Variants in HCN1 observed in about 807,000 individuals in gnomAD.
HCN1 encodes potassium/sodium hyperpolarization-activated cyclic nucleotide-gated channel 1.
HCN1 carries 13 observed loss-of-function variants against 78.9 expected under a neutral mutation model. That is an observed-to-expected ratio of 0.16 (90% CI 0.11 to 0.26). The LOEUF is 0.26. HCN1 is among the 10% of genes least tolerant of loss of function. HCN1 has a pLI of 1.00. For missense variants in HCN1, 810 were observed against 1,154.3 expected, an observed-to-expected ratio of 0.70 and a Z score of 4.32; for synonymous variants, 552 against 455.5, an observed-to-expected ratio of 1.21 and a Z score of -2.70.
At chr5:45,538,245 T>C (rs1743010577) in intron 2 of HCN1, among the ~76,000 whole-genome samples, 1 of 152,260 alleles carries the variant, frequency 6.6e-6, no homozygotes, top group East Asian at 1.9e-4. Flanking sequence ...AATTAAGCAA[T>C]GGGTTTAAGG....
chr5:45,497,932 G>T (rs1454408898), intron 2 of HCN1, among the ~76,000 whole-genome samples: 1 of 152,162 alleles, frequency 6.6e-6, no homozygotes, highest in African/African-American at 2.4e-5. Context: ...CTTCTGGCTT[G>T]TAGAGTTTCT....
intron 2 of HCN1, among the ~76,000 whole-genome samples, chr5:45,516,683 A>G (rs779127759): frequency 6.6e-6 from 1 of 152,050 alleles, no homozygotes; most frequent in South Asian, 2.1e-4. Context: ...ATAGTCCACC[A>G]TAGAAAAATT....
In HCN1 at chr5:45,695,967, G is replaced by A; in HGVS notation, c.127C>T (p.Pro43Ser). The change falls in exon 1 of 8, where the codon CCG (proline) becomes TCG (serine). Residue 43 changes from proline (P) to serine (S), a missense_variant. This residue lies in a region of HCN1 where 170 missense variants were observed against 166.8 expected (regional missense o/e 1.02). Coordinates refer to ENST00000303230, the MANE Select transcript of HCN1 (RefSeq NM_021072.4). ...TTCGCGCCGGCCCCGCCGCCCCCCG[G>A]CGGGGTGCCCAGGCGCTTCTCGGCC... ...AAAEKRLGTP[P>S]GGGGAGAKEH... 7.5e-7 allele frequency: 1 copy of A among 1,325,230 alleles called. No individual in the cohort carries two copies. The highest frequency in any genetic ancestry group is 9.6e-7 in the Non-Finnish European group (1 of 1,045,306). The allele number at this position is 1,325,230 out of a possible 1,614,324, so 82.1% of individuals were successfully genotyped here. A position where few individuals can be genotyped will look rare whatever the true frequency, so the allele number is the denominator to read the frequency against.
intron 2 of HCN1, among the ~76,000 whole-genome samples, chr5:45,557,278 T>C (rs1743489190): frequency 6.6e-6 from 1 of 152,112 alleles, no homozygotes; most frequent in Non-Finnish European, 1.5e-5. Flanking sequence ...TCTGGAAACC[T>C]AAAATTCTCA....
chr5:45,316,596 T>C (rs1451566969), intron 5 of HCN1, among the ~76,000 whole-genome samples: 2 of 152,138 alleles, frequency 1.3e-5, no homozygotes, highest in African/African-American at 4.8e-5. Flanking sequence ...ATAAAGGGTA[T>C]TCAATTACAA....
chr5:45,455,386 T>C (rs1741009570), intron 3 of HCN1, among the ~76,000 whole-genome samples: 1 of 152,050 alleles, frequency 6.6e-6, no homozygotes, highest in Non-Finnish European at 1.5e-5. Context: ...TTGTCAAGTT[T>C]TATATAGTTT....
intron 2 of HCN1, among the ~76,000 whole-genome samples, chr5:45,548,743 A>C (rs760839076): frequency 1.3e-5 from 2 of 152,186 alleles, no homozygotes; most frequent in African/African-American, 2.4e-5. Context: ...GTACATAGAA[A>C]ACCCCATTGT....
chr5:45,621,455 T>C lies in HCN1; in HGVS notation c.849+23730A>G, dbSNP rs57042598. ...CTCATGTTTGCCTTATTTCACCTCA[T>C]GTTATCACACTGAATTAAATTATAT... On this transcript the variant is annotated intron_variant, in intron 2 of 7. Coordinates refer to ENST00000303230, the MANE Select transcript of HCN1 (RefSeq NM_021072.4). Among the ~76,000 whole-genome samples the C allele has an allele frequency of 1.6e-3, 240 of 152,330 alleles. 3 individuals are homozygous for C. The highest frequency in any genetic ancestry group is 5.7e-3 in the African/African-American group (237 of 41,584).
At chr5:45,401,237 G>C (rs776973319) in intron 3 of HCN1, among the ~76,000 whole-genome samples, 5 of 152,132 alleles carry the variant, frequency 3.3e-5, no homozygotes, top group Admixed American at 2.0e-4. Context: ...CTTATAGAGT[G>C]AGAAATAATA....
At chr5:45,323,286 G>A (rs914528059) in intron 5 of HCN1, among the ~76,000 whole-genome samples, 1 of 151,794 alleles carries the variant, frequency 6.6e-6, no homozygotes, top group Admixed American at 6.6e-5. Context: ...TATTGATTGT[G>A]TGTTGAAATC....
chr5:45,434,464 G>A (rs1206221623), intron 3 of HCN1, among the ~76,000 whole-genome samples: 1 of 152,082 alleles, frequency 6.6e-6, no homozygotes, highest in Admixed American at 6.6e-5. Context: ...GATGGATGGT[G>A]GAACTAAAGA....
intron 2 of HCN1, among the ~76,000 whole-genome samples, chr5:45,494,505 T>G (rs1449557603): frequency 2.0e-5 from 3 of 151,836 alleles, no homozygotes; most frequent in Non-Finnish European, 4.4e-5. Context: ...TATTAGCCCT[T>G]TGACAGATGA....
intron 1 of HCN1, among the ~76,000 whole-genome samples, chr5:45,689,653 C>T (rs1739870157): frequency 6.6e-6 from 1 of 151,982 alleles, no homozygotes; most frequent in Admixed American, 6.6e-5. Context: ...ACCCAAGTGG[C>T]TGGAACACAG....
At position 45,664,965 on chromosome 5, in the gene HCN1, C is replaced by T. The variant is rs969429113; in HGVS notation, c.426-19357G>A. Among the ~76,000 whole-genome samples, 108 of 151,824 alleles carry T rather than the reference C, an allele frequency of 7.1e-4. 1 individual carries two copies. Among genetic ancestry groups the T allele is most frequent in the African/African-American group, 1.9e-3 (80 of 41,276 alleles). On this transcript the variant is annotated intron_variant, in intron 1 of 7. Transcript: ENST00000303230. Reference sequence around the variant, plus strand: ...CATTACTGGGTATATACCCAAAGGACTATAAATCATGCTGCTATAAAGACA... The same window carrying T: ...CATTACTGGGTATATACCCAAAGGATTATAAATCATGCTGCTATAAAGACA...
At chr5:45,670,056 T>C (rs1746120012) in intron 1 of HCN1, among the ~76,000 whole-genome samples, 1 of 151,362 alleles carries the variant, frequency 6.6e-6, no homozygotes, top group South Asian at 2.1e-4. Context: ...AAACTCTTAA[T>C]AAAAAATAAA....
intron 4 of HCN1, among the ~76,000 whole-genome samples, chr5:45,362,154 T>C (rs200222034): frequency 7.0e-6 from 1 of 142,562 alleles, no homozygotes; most frequent in South Asian, 2.2e-4. Context: ...GTGTGTGTGT[T>C]TGTGTGTGTG....
At chr5:45,694,686 T>C (rs1739971567) in intron 1 of HCN1, among the ~76,000 whole-genome samples, 2 of 152,212 alleles carry the variant, frequency 1.3e-5, no homozygotes, top group Admixed American at 1.3e-4. Flanking sequence ...AAATGGGAAG[T>C]CCAGCCTTGT....
At chr5:45,531,007 A>C (rs1426550275) in intron 2 of HCN1, among the ~76,000 whole-genome samples, 1 of 151,980 alleles carries the variant, frequency 6.6e-6, no homozygotes, top group Non-Finnish European at 1.5e-5. Context: ...AATGCCAAGA[A>C]ATATGGGGTG....
chr5:45,340,468 T>TA (rs1292453715), intron 5 of HCN1, among the ~76,000 whole-genome samples: 1 of 152,152 alleles, frequency 6.6e-6, no homozygotes, highest in East Asian at 1.9e-4. Flanking sequence ...TTCTGTCTTT[T>TA]GATTTGATAT....
Sources: gnomAD v4.1 joint callset for allele counts (sites outside exome capture counted in the v4.1 genomes callset) on GRCh38, gnomAD v4.1.1 for gene constraint, gnomAD v4.1.1 regional missense constraint, MANE v1.5 for transcripts, NCBI Gene and HGNC (gene_info 2026-07-23, HGNC 2026-07-21) for gene names.